Variants in CD84 observed in about 807,000 individuals in gnomAD.
CD84 encodes the protein SLAM family member 5.
CD84 carries 22 observed loss-of-function variants against 33.8 expected under a neutral mutation model. The observed-to-expected ratio is 0.65, with a 90% CI of 0.46 to 0.93. The LOEUF is 0.93. Ranked by LOEUF, CD84 falls within the 40% of genes least tolerant of loss-of-function variation. The pLI is 0.00. For synonymous variants in CD84, 154 were observed against 145.2 expected, an observed-to-expected ratio of 1.06 and a Z score of -0.44; for missense variants, 400 against 397.6, an observed-to-expected ratio of 1.01 and a Z score of -0.05.
At chr1:160,550,557 G>GT in intron 5 of CD84, 1 of 925,778 alleles carries the variant, frequency 1.1e-6, no homozygotes, top group African/African-American at 1.8e-5. Flanking sequence ...CTGTTGCCTC[G>GT]TAGCCCCCTT....
Position 160,569,911 on chromosome 1 carries a change from T to A in CD84, c.47-4166A>T, listed in dbSNP as rs150036588. Among the ~76,000 whole-genome samples the A allele has an allele frequency of 1.4e-4, 21 of 152,212 alleles. 1 individual carries two copies. In the East Asian group the frequency reaches 3.7e-3, roughly 27 times the overall value. On this transcript the variant is annotated intron_variant, in intron 1 of 6. Coordinates refer to ENST00000368054, the MANE Select transcript of CD84 (RefSeq NM_003874.4). The stretch of plus-strand genomic sequence containing the variant: ...ATTTGAGACAGCCTTGAGTTTGAGG[T>A]CTCCATCAGAGGCAGAGGGGAACTA...
intron 2 of CD84, among the ~76,000 whole-genome samples, chr1:160,564,645 A>C (rs1477234374): frequency 1.3e-5 from 2 of 152,234 alleles, no homozygotes; most frequent in Non-Finnish European, 2.9e-5. Flanking sequence ...ACGCTAAGTG[A>C]AAAATACCCA....
chr1:160,567,550 G>A (rs1170502127), intron 1 of CD84, among the ~76,000 whole-genome samples: 4 of 152,194 alleles, frequency 2.6e-5, no homozygotes, highest in Non-Finnish European at 5.9e-5. Flanking sequence ...CTAATTATGT[G>A]TCAGATGCTG....
At chr1:160,570,781 G>T (rs950610214) in intron 1 of CD84, among the ~76,000 whole-genome samples, 2 of 152,160 alleles carry the variant, frequency 1.3e-5, no homozygotes, top group African/African-American at 2.4e-5. Flanking sequence ...AGGATCACCT[G>T]AGCCCAAGGG....
intron 2 of CD84, among the ~76,000 whole-genome samples, chr1:160,564,094 T>C (rs1657167304): frequency 6.6e-6 from 1 of 152,180 alleles, no homozygotes; most frequent in Non-Finnish European, 1.5e-5. Flanking sequence ...AGACCACACT[T>C]GGGGTAGCTT....
rs1361405369 is a variant in CD84, at chr1:160,542,392, T to C, written c.*5864A>G. On this transcript the variant is annotated 3_prime_UTR_variant, in exon 7 of 7. Coordinates refer to ENST00000368054, the MANE Select transcript of CD84 (RefSeq NM_003874.4). ...ATAGGAAAAACACAAGGAAAGCAAGTTGGGAGGTCAGAAACAGACCTGTGA... is the reference window on the plus strand; with the variant it reads ...ATAGGAAAAACACAAGGAAAGCAAGCTGGGAGGTCAGAAACAGACCTGTGA... 6.6e-6 allele frequency: 1 copy of C among 152,122 alleles called. No homozygotes were observed. The highest frequency in any genetic ancestry group is 1.9e-4 in the East Asian group (1 of 5,198). 9.4% of individuals were successfully genotyped at this position (152,122 alleles called of 1,614,324 possible).
At chr1:160,548,349 G>A in intron 6 of CD84, 28 bp from the exon 7 acceptor site, 1 of 1,613,428 alleles carries the variant, frequency 6.2e-7, no homozygotes, top group Non-Finnish European at 8.5e-7. Flanking sequence ...GTGAGAAAAT[G>A]TTAACTGAGA....
chr1:160,553,583 TG>T, intron 3 of CD84, 86 bp from the exon 4 acceptor site: 3 of 1,509,280 alleles, frequency 2.0e-6, no homozygotes, highest in Non-Finnish European at 2.8e-6. Flanking sequence ...AGGGGCATTA[TG>T]AAAATTGGGT....
At chr1:160,574,073 A>G (rs1345490104) in intron 1 of CD84, among the ~76,000 whole-genome samples, 1 of 152,002 alleles carries the variant, frequency 6.6e-6, no homozygotes, top group Non-Finnish European at 1.5e-5. Flanking sequence ...AGCCTGGGTG[A>G]CAGGGCAAGA....
chr1:160,567,516 T>A (rs1657406154), intron 1 of CD84, among the ~76,000 whole-genome samples: 1 of 152,138 alleles, frequency 6.6e-6, no homozygotes, highest in Non-Finnish European at 1.5e-5. Context: ...TTGGGAACCC[T>A]TATCTGCAAA....
In CD84 at chr1:160,542,606, C is replaced by T. The variant is rs1334030472; in HGVS notation, c.*5650G>A. ...TTATAAGAAAAATATTTCTCATTTG[C>T]AAAGATTTGGCCATTTTCCAGTCTC... On this transcript the variant is annotated 3_prime_UTR_variant, in exon 7 of 7. Transcript: ENST00000368054. The T allele has an allele frequency of 6.6e-6, 1 of 152,120 alleles. No homozygotes were observed. The highest frequency in any genetic ancestry group is 1.9e-4 in the East Asian group (1 of 5,206). 9.4% of individuals were successfully genotyped at this position (152,120 alleles called of 1,614,324 possible). A position where few individuals can be genotyped will look rare whatever the true frequency, so the allele number is the denominator to read the frequency against.
rs1656701915 is a variant in CD84 at position 160,557,819 on chromosome 1, C to T, written c.389-3673G>A. Among the ~76,000 whole-genome samples the T allele has an allele frequency of 2.6e-5, 4 of 152,160 alleles. No homozygotes were observed. In the South Asian group the frequency reaches 8.3e-4, roughly 31 times the overall value. On this transcript the variant is annotated intron_variant, in intron 2 of 6. Transcript: ENST00000368054. ...AGTAGCTTCAGCCATTCCAGCCTAC[C>T]AGCTTTGGAGAGTTCAAATGATCTG...
rs894050779 is a variant in CD84 at position 160,550,979 on chromosome 1, G to T, written c.817C>A (p.Pro273Thr). The change falls in exon 5 of 7, where the codon CCA becomes ACA. Residue 273 changes from proline (P) to threonine (T), a missense_variant. Pro to Thr is a conservative substitution (Grantham distance 38, BLOSUM62 -1). Coordinates refer to ENST00000368054, the MANE Select transcript of CD84 (RefSeq NM_003874.4). ...TCATCATAGATTCTGGACTCTGCTG[G>T]CTGGGTGTTCCTTGAAGCCATGATA... The part of the protein sequence containing the change: ...TYIMASRNTQ[P>T]AESRIYDEIL... 2.5e-6 allele frequency: 4 copies of T among 1,614,108 alleles called. No individual in the cohort carries two copies. Among genetic ancestry groups the T allele is most frequent in the Non-Finnish European group, 8.5e-7 (1 of 1,179,958 alleles).
chr1:160,579,386 A>C lies in CD84; in HGVS notation c.46+6T>G. The stretch of plus-strand genomic sequence containing the variant: ...TAGGAGGCGATCAGCAAGGGTCAGA[A>C]CTCACAGGTTTGCAGGCAAAGGAGC... On this transcript the variant is annotated splice_donor_region_variant and intron_variant, in intron 1 of 6. Transcript: ENST00000368054. The C allele has an allele frequency of 6.2e-7, 1 of 1,613,142 alleles. No individual in the cohort carries two copies. Among genetic ancestry groups the C allele is most frequent in the Non-Finnish European group, 8.5e-7 (1 of 1,179,362 alleles).
intron 6 of CD84, 110 bp from the exon 7 acceptor site, chr1:160,548,431 G>A (rs1655966448): frequency 4.5e-6 from 5 of 1,108,362 alleles, no homozygotes; most frequent in Non-Finnish European, 5.4e-6. Context: ...GAATGCCTTA[G>A]ATTTGCCTCA....
At chr1:160,577,171 C>T (rs1658034563) in intron 1 of CD84, among the ~76,000 whole-genome samples, 1 of 152,166 alleles carries the variant, frequency 6.6e-6, no homozygotes, top group Non-Finnish European at 1.5e-5. Flanking sequence ...AGTTTGCACA[C>T]TCAGACTTTC....
chr1:160,558,790 C>T (rs191471811), intron 2 of CD84, among the ~76,000 whole-genome samples: 91 of 152,174 alleles, frequency 6.0e-4, no homozygotes, highest in Middle Eastern at 3.4e-3. Flanking sequence ...TAGAGAGGAA[C>T]AAAACCGACC....
At chr1:160,557,534 T>C (rs754102322) in intron 2 of CD84, among the ~76,000 whole-genome samples, 2 of 152,224 alleles carry the variant, frequency 1.3e-5, no homozygotes, top group Non-Finnish European at 2.9e-5. Context: ...TGTGTTTTTC[T>C]GCAATGAGGC....
intron 2 of CD84, among the ~76,000 whole-genome samples, chr1:160,561,436 C>T (rs7532347): frequency 0.02 from 3,108 of 152,188 alleles, 107 homozygotes; most frequent in African/African-American, 0.071. Flanking sequence ...TCAACTGAGG[C>T]AGAAGGGCCT....
Sources: allele counts gnomAD v4.1 joint callset (sites outside exome capture counted in the v4.1 genomes callset), GRCh38; gene constraint gnomAD v4.1.1; transcripts MANE v1.5; gene names NCBI Gene and HGNC (gene_info 2026-07-23, HGNC 2026-07-21).